The following LRP1B variants were observed in gnomAD, a reference collection of about 807,000 sequenced individuals.
LRP1B encodes LDL receptor related protein 1B.
In LRP1B, 217 loss-of-function variants were observed where a neutral mutation model predicts 556.6. That is an observed-to-expected ratio of 0.39 (90% CI 0.35 to 0.44). LRP1B has a LOEUF of 0.44. Among genes scored for constraint, LRP1B ranks in the 20% least tolerant of loss-of-function variants. The pLI, the probability that LRP1B is intolerant of heterozygous loss-of-function variation, is 1.00. For missense variants in LRP1B, 5,053 were observed against 5,620.8 expected, an observed-to-expected ratio of 0.90 and a Z score of 3.23; for synonymous variants, 2,047 against 1,865.8, an observed-to-expected ratio of 1.10 and a Z score of -2.50.
In LRP1B at chr2:141,651,056, A is replaced by G. The variant is rs367696714; in HGVS notation, c.205+159223T>C. Among the ~76,000 whole-genome samples, 33 of 152,310 alleles carry G rather than the reference A, an allele frequency of 2.2e-4. 2 individuals are homozygous for G. The South Asian group carries it at 6.2e-3, about 29-fold the overall frequency. On this transcript the variant is annotated intron_variant, in intron 2 of 90. Transcript: ENST00000389484. ...TTATCCATGCCGGACTTTACAATGG[A>G]GAAAGGAAGCTAAAGTGAGATTGGT...
intron 7 of LRP1B, among the ~76,000 whole-genome samples, chr2:141,101,933 C>G (rs1252026419): frequency 1.3e-5 from 2 of 152,114 alleles, no homozygotes; most frequent in East Asian, 3.9e-4. Context: ...GTAGTCATGA[C>G]TTTAAATGCA....
intron 18 of LRP1B, among the ~76,000 whole-genome samples, chr2:140,972,505 A>T (rs2105331107): frequency 6.6e-6 from 1 of 152,342 alleles, no homozygotes; most frequent in South Asian, 2.1e-4. Context: ...CTATGGAGAC[A>T]AATTATCAAA....
At position 140,481,681 on chromosome 2, in the gene LRP1B, C is replaced by G. The variant is rs1688253701; in HGVS notation, c.9425+3662G>C. 2.7e-5 allele frequency among the ~76,000 whole-genome samples: 4 copies of G among 150,850 alleles called. 1 individual carries two copies. In the South Asian group the frequency reaches 8.3e-4, roughly 31 times the overall value. ...GATCATTTCACTTTCTTGTATTTTT[C>G]TCTTTTTCTGTGTTCCCATATTCTG... On this transcript the variant is annotated intron_variant, in intron 59 of 90. Transcript: ENST00000389484.
chr2:140,844,550 C>T (rs994804369), intron 29 of LRP1B, among the ~76,000 whole-genome samples: 2 of 151,754 alleles, frequency 1.3e-5, no homozygotes, highest in Non-Finnish European at 1.5e-5. Flanking sequence ...GAATAAAAAT[C>T]GTTATATATT....
chr2:140,690,385 A>AG (rs1434833384), intron 41 of LRP1B, among the ~76,000 whole-genome samples: 1 of 129,704 alleles, frequency 7.7e-6, no homozygotes. Context: ...TCAGGTCTTT[A>AG]CTTTTTTTTT....
intron 16 of LRP1B, among the ~76,000 whole-genome samples, chr2:140,992,106 A>G (rs1697109845): frequency 6.6e-6 from 1 of 152,188 alleles, no homozygotes; most frequent in African/African-American, 2.4e-5. Flanking sequence ...GAGTCAATCT[A>G]AGGTGAAGGC....
intron 77 of LRP1B, among the ~76,000 whole-genome samples, chr2:140,349,379 A>G (rs1345948994): frequency 1.3e-5 from 2 of 152,014 alleles, no homozygotes; most frequent in East Asian, 3.9e-4. Context: ...GCCAATTATC[A>G]TTATTAATGT....
intron 65 of LRP1B, among the ~76,000 whole-genome samples, chr2:140,443,506 A>G (rs1686520085): frequency 6.6e-6 from 1 of 152,198 alleles, no homozygotes; most frequent in Admixed American, 6.5e-5. Context: ...ATCTTAATCA[A>G]ATTGCTGGAT....
intron 1 of LRP1B, among the ~76,000 whole-genome samples, chr2:142,061,672 G>T (rs1426822291): frequency 6.6e-6 from 1 of 151,940 alleles, no homozygotes; most frequent in East Asian, 1.9e-4. Flanking sequence ...CGACTAGTAG[G>T]ATAGGAATCA....
At chr2:142,018,427 T>A (rs1042661460) in intron 1 of LRP1B, among the ~76,000 whole-genome samples, 17 of 152,186 alleles carry the variant, frequency 1.1e-4, no homozygotes, top group Non-Finnish European at 2.2e-4. Flanking sequence ...ATAACTTCCT[T>A]TACAGAATAT....
At chr2:141,406,986 G>C (rs1179100427) in intron 3 of LRP1B, among the ~76,000 whole-genome samples, 1 of 152,050 alleles carries the variant, frequency 6.6e-6, no homozygotes, top group Non-Finnish European at 1.5e-5. Context: ...GGGCATTTTA[G>C]AGAAATCTTT....
chr2:141,214,466 T>C (rs563082709), intron 6 of LRP1B, among the ~76,000 whole-genome samples: 16 of 152,318 alleles, frequency 1.1e-4, no homozygotes, highest in Non-Finnish European at 2.1e-4. Context: ...GCACACATCA[T>C]TTTATGCATC....
Position 140,536,803 on chromosome 2 carries a change from A to T in LRP1B, c.7514-94T>A, listed in dbSNP as rs897126720. On this transcript the variant is annotated intron_variant, in intron 45 of 90. Coordinates refer to ENST00000389484, the MANE Select transcript of LRP1B (RefSeq NM_018557.3). ...ATTTTTCTTAATTTTAATTATAAAG[A>T]TAAACTAAAATTTATCAAAATGTAC... 4.1e-5 allele frequency: 36 copies of T among 875,668 alleles called. 1 individual carries two copies. In the South Asian group the frequency reaches 5.0e-4, roughly 12 times the overall value. 54.2% of individuals were successfully genotyped at this position (875,668 alleles called of 1,614,324 possible). A position where few individuals can be genotyped will look rare whatever the true frequency, so the allele number is the denominator to read the frequency against.
At chr2:141,364,644 TA>T (rs1165239155) in intron 3 of LRP1B, among the ~76,000 whole-genome samples, 15 of 152,212 alleles carry the variant, frequency 9.9e-5, no homozygotes, top group African/African-American at 3.4e-4. Context: ...TTTTACTTTA[TA>T]AATTCTATAT....
chr2:140,766,834 T>TTATATAC (rs1217991309), intron 35 of LRP1B, among the ~76,000 whole-genome samples: 18 of 24,062 alleles, frequency 7.5e-4, no homozygotes, highest in Non-Finnish European at 1.7e-3. Flanking sequence ...TATATATATA[T>TTATATAC]ATATATATAT....
intron 1 of LRP1B, among the ~76,000 whole-genome samples, chr2:141,940,012 A>AAATCTTTTGAAGC (rs1553488066): frequency 2.9e-4 from 1 of 3,498 alleles, no homozygotes; most frequent in Admixed American, 4.2e-3. Flanking sequence ...TAAACATTAA[A>AAATCTTTTGAAGC]TCTCAAGTCC....
intron 41 of LRP1B, among the ~76,000 whole-genome samples, chr2:140,645,633 G>A (rs1283882675): frequency 2.8e-5 from 4 of 140,752 alleles, no homozygotes; most frequent in African/African-American, 8.2e-5. Flanking sequence ...TCCGCCTCCC[G>A]GGTTCACGCC....
At chr2:140,973,478 G>A (rs192963675) in intron 18 of LRP1B, among the ~76,000 whole-genome samples, 3 of 152,144 alleles carry the variant, frequency 2.0e-5, no homozygotes, top group Admixed American at 1.3e-4. Context: ...GTGGATAAGG[G>A]AGAATCAGAA....
intron 7 of LRP1B, among the ~76,000 whole-genome samples, chr2:141,073,268 A>T (rs1699695191): frequency 6.6e-6 from 1 of 152,018 alleles, no homozygotes; most frequent in Non-Finnish European, 1.5e-5. Context: ...AAGTATTTTC[A>T]TATGGTTAAA....
Sources: allele counts gnomAD v4.1 joint callset (sites outside exome capture counted in the v4.1 genomes callset), GRCh38; gene constraint gnomAD v4.1.1; transcripts MANE v1.5; gene names NCBI Gene and HGNC (gene_info 2026-07-23, HGNC 2026-07-21).